Variants in MTUS2 observed in about 807,000 individuals in gnomAD.
MTUS2 encodes microtubule-associated tumor suppressor candidate 2.
Under a neutral mutation model 114.1 loss-of-function variants are expected in MTUS2, and 40 were observed. The observed-to-expected ratio is 0.35, with a 90% CI of 0.27 to 0.46. The LOEUF is 0.46. Ranked by LOEUF, MTUS2 falls within the 20% of genes least tolerant of loss-of-function variation. The pLI, the probability that MTUS2 is intolerant of heterozygous loss-of-function variation, is 1.00. For synonymous variants in MTUS2, 688 were observed against 672.0 expected, an observed-to-expected ratio of 1.02 and a Z score of -0.37; for missense variants, 1,679 against 1,705.4, an observed-to-expected ratio of 0.98 and a Z score of 0.27.
At chr13:29,003,504 C>T (rs371803058) in intron 2 of MTUS2, among the ~76,000 whole-genome samples, 2 of 152,212 alleles carry the variant, frequency 1.3e-5, no homozygotes, top group East Asian at 1.9e-4. Context: ...TGGAACACTT[C>T]GTGTCCTAAT....
intron 5 of MTUS2, among the ~76,000 whole-genome samples, chr13:29,179,664 T>C (rs1893918308): frequency 6.6e-6 from 1 of 152,218 alleles, no homozygotes; most frequent in Non-Finnish European, 1.5e-5. Context: ...CTTTGAAAAT[T>C]TGGTGATTTT....
At chr13:29,339,271 C>T (rs1289417236) in intron 7 of MTUS2, among the ~76,000 whole-genome samples, 4 of 152,192 alleles carry the variant, frequency 2.6e-5, no homozygotes, top group Non-Finnish European at 2.9e-5. Context: ...TCCTGGAAGA[C>T]ACTGCTGCTG....
At chr13:29,403,342 C>G (rs2138506483) in intron 8 of MTUS2, among the ~76,000 whole-genome samples, 1 of 152,290 alleles carries the variant, frequency 6.6e-6, no homozygotes, top group South Asian at 2.1e-4. Flanking sequence ...CCCCTGTCCA[C>G]CCTGTATCTG....
At chr13:28,888,845 T>A (rs1329928507) in intron 2 of MTUS2, among the ~76,000 whole-genome samples, 2 of 152,226 alleles carry the variant, frequency 1.3e-5, no homozygotes, top group African/African-American at 4.8e-5. Context: ...CTTGAGATAT[T>A]GCAAGCAACC....
At chr13:29,259,608 G>T (rs1237344618) in intron 5 of MTUS2, among the ~76,000 whole-genome samples, 1 of 152,142 alleles carries the variant, frequency 6.6e-6, no homozygotes, top group Non-Finnish European at 1.5e-5. Flanking sequence ...AAAATAGTTG[G>T]AATACTATTT....
intron 7 of MTUS2, among the ~76,000 whole-genome samples, chr13:29,350,692 G>A (rs1439614266): frequency 6.6e-6 from 1 of 151,948 alleles, no homozygotes; most frequent in East Asian, 1.9e-4. Context: ...TTAAACAACA[G>A]ATTTTTTTTC....
At chr13:29,219,122 C>T (rs112159896) in intron 5 of MTUS2, among the ~76,000 whole-genome samples, 2,061 of 114,450 alleles carry the variant, frequency 0.018, 68 homozygotes, top group African/African-American at 0.065. Context: ...TCCCTCCCCC[C>T]TCCCCCCACC....
intron 9 of MTUS2, among the ~76,000 whole-genome samples, chr13:29,458,738 C>T (rs1422421945): frequency 6.6e-6 from 1 of 152,208 alleles, no homozygotes; most frequent in South Asian, 2.1e-4. Flanking sequence ...CTCCCCACCT[C>T]AAAAGAAAAC....
intron 2 of MTUS2, among the ~76,000 whole-genome samples, chr13:28,852,226 C>G (rs1323950078): frequency 6.6e-6 from 1 of 152,176 alleles, no homozygotes; most frequent in Non-Finnish European, 1.5e-5. Context: ...TCCCTGCCCT[C>G]TTTATTCTGA....
At chr13:28,969,491 CTATT>C (rs1448111823) in intron 2 of MTUS2, among the ~76,000 whole-genome samples, 5 of 151,636 alleles carry the variant, frequency 3.3e-5, no homozygotes, top group Non-Finnish European at 7.4e-5. Flanking sequence ...AAGTTTTGCA[CTATT>C]TATTTTATTT....
chr13:29,252,911 T>C (rs1897172261), intron 5 of MTUS2, among the ~76,000 whole-genome samples: 1 of 135,636 alleles, frequency 7.4e-6, no homozygotes, highest in South Asian at 3.1e-4. Context: ...ATTAAGCTTC[T>C]TTTTTTTTTA....
intron 6 of MTUS2, among the ~76,000 whole-genome samples, chr13:29,308,088 G>A (rs558127807): frequency 1.1e-4 from 17 of 152,278 alleles, no homozygotes; most frequent in Admixed American, 9.8e-4. Flanking sequence ...AAAAGATCCT[G>A]AATAGCCAAG....
In MTUS2 at chr13:28,988,739, A is replaced by G. The variant is rs1884696978; in HGVS notation, c.-242-35718A>G. Reference sequence around the variant, plus strand: ...CAAATATTCAAAGAGTTGCCTTTGGAGTAGACAAAGACCTGAGGCATTCTT... The same window carrying G: ...CAAATATTCAAAGAGTTGCCTTTGGGGTAGACAAAGACCTGAGGCATTCTT... On this transcript the variant is annotated intron_variant, in intron 2 of 15. Coordinates refer to ENST00000612955, the MANE Select transcript of MTUS2 (RefSeq NM_001033602.4). 2.0e-5 allele frequency among the ~76,000 whole-genome samples: 3 copies of G among 152,204 alleles called. No homozygotes were observed. In the East Asian group the frequency reaches 5.8e-4, roughly 29 times the overall value.
At chr13:29,396,209 AG>A (rs1427054529) in intron 8 of MTUS2, among the ~76,000 whole-genome samples, 1 of 152,238 alleles carries the variant, frequency 6.6e-6, no homozygotes, top group Admixed American at 6.5e-5. Context: ...TAATCCAAAA[AG>A]AAGGAGTGCC....
At chr13:29,101,001 T>C in intron 5 of MTUS2, 31 bp downstream of exon 5, 1 of 1,507,434 alleles carries the variant, frequency 6.6e-7, no homozygotes, top group Non-Finnish European at 8.9e-7. Flanking sequence ...TGGGGTGCCT[T>C]CACTGAATTA....
intron 2 of MTUS2, among the ~76,000 whole-genome samples, chr13:29,011,004 C>G (rs56023620): frequency 2.2e-4 from 34 of 151,796 alleles, no homozygotes; most frequent in African/African-American, 8.2e-4. Context: ...CATCATTGCT[C>G]CCCTTCCCAT....
At chr13:29,489,944 G>GC in intron 11 of MTUS2, 2 of 152,324 alleles carry the variant, frequency 1.3e-5, no homozygotes, top group East Asian at 3.9e-4. Context: ...GGTGCAGTGA[G>GC]CCATGGTGTT....
rs556470319 is a variant in MTUS2 at position 29,504,312 on chromosome 13, A to C, written c.*1106A>C. The C allele has an allele frequency of 8.6e-6, 2 of 232,260 alleles. No individual in the cohort carries two copies. Among genetic ancestry groups the C allele is most frequent in the East Asian group, 1.2e-4 (2 of 16,406 alleles). 14.4% of individuals were successfully genotyped at this position (232,260 alleles called of 1,614,324 possible). ...GACCCTCAGGCCCCCATTTCCTAGC[A>C]GCCCCCCTTCAGTTTGGTTCTACAA... On this transcript the variant is annotated 3_prime_UTR_variant, in exon 16 of 16. Transcript: ENST00000612955.
chr13:29,118,241 C>T (rs1891169710), intron 5 of MTUS2, among the ~76,000 whole-genome samples: 1 of 151,808 alleles, frequency 6.6e-6, no homozygotes, highest in African/African-American at 2.4e-5. Context: ...AATAGTGATA[C>T]TGGCACCCTA....
Sources: allele counts gnomAD v4.1 joint callset (sites outside exome capture counted in the v4.1 genomes callset), GRCh38; gene constraint gnomAD v4.1.1; transcripts MANE v1.5; gene names NCBI Gene and HGNC (gene_info 2026-07-23, HGNC 2026-07-21).